CRYBG1: variants seen among roughly 807,000 people sequenced by gnomAD.
CRYBG1 encodes beta/gamma crystallin domain-containing protein 1.
Under a neutral mutation model 189.2 loss-of-function variants are expected in CRYBG1, and 139 were observed. The ratio of observed to expected loss-of-function variants is 0.73; its 90% confidence interval spans 0.64 to 0.85. The LOEUF (loss-of-function observed/expected upper bound fraction) is 0.85, where lower values mean the gene tolerates loss of function less well. Ranked by LOEUF, CRYBG1 falls within the 40% of genes least tolerant of loss-of-function variation. CRYBG1 has a pLI of 0.00. For synonymous variants in CRYBG1, 1,023 were observed against 1,017.1 expected (o/e 1.01, Z -0.11); for missense variants, 2,611 against 2,675.8 (o/e 0.98, Z 0.53).
At chr6:106,559,168 C>T (rs182309246) in intron 18 of CRYBG1, among the ~76,000 whole-genome samples, 2 of 152,134 alleles carry the variant, frequency 1.3e-5, no homozygotes, top group East Asian at 3.9e-4. Flanking sequence ...TCTTTAACAC[C>T]TCTCATAGTC....
At chr6:106,529,632 C>G (rs1773832671) in intron 7 of CRYBG1, among the ~76,000 whole-genome samples, 1 of 152,210 alleles carries the variant, frequency 6.6e-6, no homozygotes, top group African/African-American at 2.4e-5. Context: ...GGGCATGGAA[C>G]AATGACCAAA....
chr6:106,546,843 C>T (rs1372296314), intron 13 of CRYBG1, among the ~76,000 whole-genome samples: 1 of 152,204 alleles, frequency 6.6e-6, no homozygotes, highest in Non-Finnish European at 1.5e-5. Flanking sequence ...AACAGTTGTA[C>T]ATTTTGATAC....
chr6:106,377,450 C>G (rs1214350699), intron 1 of CRYBG1, among the ~76,000 whole-genome samples: 1 of 152,050 alleles, frequency 6.6e-6, no homozygotes, highest in East Asian at 1.9e-4. Flanking sequence ...AAGCGGTCAT[C>G]AGACTTACTA....
chr6:106,406,865 CTT>C (rs1770836416), intron 1 of CRYBG1, among the ~76,000 whole-genome samples: 1 of 152,168 alleles, frequency 6.6e-6, no homozygotes, highest in Non-Finnish European at 1.5e-5. Flanking sequence ...CCAGGCCTGC[CTT>C]ATAAGAGCTG....
rs73520804 is a variant in CRYBG1 at position 106,519,483 on chromosome 6, G to C, written c.2275G>C (p.Glu759Gln). The C allele has an allele frequency of 1.2e-6, 2 of 1,614,126 alleles. No homozygotes were observed. The highest frequency in any genetic ancestry group is 1.7e-6 in the Non-Finnish European group (2 of 1,180,018). Reference sequence around the variant, plus strand: ...AACCAAAGTTACCGTCTCGGAAGAAGAGATTCTGCCAGCAACCAGAGGAAT... The same window carrying C: ...AACCAAAGTTACCGTCTCGGAAGAACAGATTCTGCCAGCAACCAGAGGAAT... The part of the protein sequence containing the change: ...IETKVTVSEE[E>Q]ILPATRGMNG... Residue 759 changes from glutamate to glutamine, a missense_variant, in exon 4 of 22, where the codon GAG (glutamate) becomes CAG (glutamine). Glu to Gln is a conservative substitution (Grantham distance 29). Around this residue, in one of 3 missense-constraint regions of CRYBG1, gnomAD observed 1,622 missense variants for 1,735.0 expected, o/e 0.93. Coordinates refer to ENST00000633556, the MANE Select transcript of CRYBG1 (RefSeq NM_001371242.2).
chr6:106,438,478 T>C (rs1388569562), intron 1 of CRYBG1, among the ~76,000 whole-genome samples: 1 of 152,108 alleles, frequency 6.6e-6, no homozygotes, highest in Non-Finnish European at 1.5e-5. Flanking sequence ...GATCCCTCCT[T>C]GCTCTTCCTA....
At position 106,410,008 on chromosome 6, in the gene CRYBG1, C is replaced by T. The variant is rs150467187; in HGVS notation, c.174-41686C>T. ...ACACCAAAAGCAATAGCAACAAAAG[C>T]CAAAATTGACAAATGGGTTCTAATT... On this transcript the variant is annotated intron_variant, in intron 1 of 21. Transcript: ENST00000633556. Among the ~76,000 whole-genome samples the T allele has an allele frequency of 7.3e-3, 1,108 of 152,178 alleles. 6 individuals are homozygous for T. The highest frequency in any genetic ancestry group is 0.012 in the Non-Finnish European group (788 of 68,010).
At chr6:106,483,591 A>T (rs58220833) in intron 2 of CRYBG1, among the ~76,000 whole-genome samples, 1 of 151,756 alleles carries the variant, frequency 6.6e-6, no homozygotes, top group Non-Finnish European at 1.5e-5. Context: ...AGGAATCTCT[A>T]TATTGTTTTC....
At chr6:106,553,051 G>A (rs925986420) in intron 15 of CRYBG1, among the ~76,000 whole-genome samples, 7 of 152,160 alleles carry the variant, frequency 4.6e-5, no homozygotes, top group African/African-American at 1.2e-4. Flanking sequence ...ACAGGATTCC[G>A]ATAAGTCAGC....
chr6:106,511,880 C>T lies in CRYBG1; in HGVS notation c.763C>T (p.Leu255=). 6.6e-7 allele frequency: 1 copy of T among 1,520,394 alleles called. No individual in the cohort carries two copies. Among genetic ancestry groups the T allele is most frequent in the Non-Finnish European group, 8.8e-7 (1 of 1,136,824 alleles). 94.2% of individuals were successfully genotyped at this position (1,520,394 alleles called of 1,614,324 possible). Reference sequence around the variant, plus strand: ...AGATGCCACCACCACTGCCAAGCAGCTGCATTCCTCGCCGGGAAATTCCTC... The same window carrying T: ...AGATGCCACCACCACTGCCAAGCAGTTGCATTCCTCGCCGGGAAATTCCTC... The part of the protein sequence containing the change: ...FPDATTTAKQ[L]HSSPGNSSRQ... Residue 255 remains leucine (L), a synonymous_variant, in exon 3 of 22, where the codon CTG becomes TTG. Coordinates refer to ENST00000633556, the MANE Select transcript of CRYBG1 (RefSeq NM_001371242.2).
intron 1 of CRYBG1, among the ~76,000 whole-genome samples, chr6:106,448,251 G>A (rs997622440): frequency 1.5e-4 from 23 of 152,310 alleles, no homozygotes; most frequent in East Asian, 1.9e-4. Context: ...TCTGGGTCAC[G>A]AGGAAAGGGA....
chr6:106,410,084 G>A (rs1200664822), intron 1 of CRYBG1, among the ~76,000 whole-genome samples: 2 of 152,128 alleles, frequency 1.3e-5, no homozygotes, highest in Non-Finnish European at 2.9e-5. Flanking sequence ...GAGTGAACAG[G>A]CAACCTACAG....
At chr6:106,472,289 T>G (rs960108292) in intron 2 of CRYBG1, among the ~76,000 whole-genome samples, 10 of 152,202 alleles carry the variant, frequency 6.6e-5, no homozygotes, top group African/African-American at 2.4e-4. Context: ...AAATATAAAT[T>G]AAATATTTTG....
intron 1 of CRYBG1, among the ~76,000 whole-genome samples, chr6:106,361,300 G>C (rs1338805773): frequency 1.3e-5 from 2 of 152,234 alleles, no homozygotes; most frequent in Non-Finnish European, 2.9e-5. Context: ...ACCGGCGAGA[G>C]GAACTTGTGC....
intron 1 of CRYBG1, among the ~76,000 whole-genome samples, chr6:106,400,734 G>A (rs553990865): frequency 2.6e-5 from 4 of 152,184 alleles, no homozygotes; most frequent in African/African-American, 9.7e-5. Flanking sequence ...TAGTGAGATA[G>A]ACAGACACTA....
rs73761859 is a variant in CRYBG1, at chr6:106,520,494, G to A, written c.3286G>A (p.Asp1096Asn). Residue 1096 changes from aspartate to asparagine, a missense_variant, in exon 4 of 22, where the codon GAT becomes AAT. By Grantham distance (23) the Asp-to-Asn change is conservative. This residue lies in a region of CRYBG1 where 1,622 missense variants were observed against 1,735.0 expected (regional missense o/e 0.93). Coordinates refer to ENST00000633556, the MANE Select transcript of CRYBG1 (RefSeq NM_001371242.2). ...TTTGAACATTTCTGCTGGTAGTGAT[G>A]ATAGTGTATTTGATTCTTCTTCTGA... Reference protein sequence around the residue: ...SLLNISAGSDDSVFDSSSDME... With the variant: ...SLLNISAGSDNSVFDSSSDME... 4,591 of 1,614,154 alleles carry A rather than the reference G, an allele frequency of 2.8e-3. 118 individuals are homozygous for A. The African/African-American group carries it at 0.055, about 20-fold the overall frequency.
intron 2 of CRYBG1, among the ~76,000 whole-genome samples, chr6:106,508,432 C>T (rs908881878): frequency 2.6e-5 from 4 of 152,148 alleles, no homozygotes; most frequent in Admixed American, 1.3e-4. Context: ...AGATATAGAA[C>T]TTTAACCCTC....
chr6:106,382,581 C>A, intron 1 of CRYBG1, among the ~76,000 whole-genome samples: 1 of 152,042 alleles, frequency 6.6e-6, no homozygotes, highest in African/African-American at 2.4e-5. Context: ...GCCTGTAATA[C>A]CAGCACTTTG....
chr6:106,510,330 C>T (rs902394698), intron 2 of CRYBG1, among the ~76,000 whole-genome samples: 5 of 152,248 alleles, frequency 3.3e-5, no homozygotes, highest in African/African-American at 1.2e-4. Flanking sequence ...ATGCCCCGCA[C>T]CTACCCAGTC....
Sources: gnomAD v4.1 joint callset for allele counts (sites outside exome capture counted in the v4.1 genomes callset) on GRCh38, gnomAD v4.1.1 for gene constraint, gnomAD v4.1.1 regional missense constraint, MANE v1.5 for transcripts, NCBI Gene and HGNC (gene_info 2026-07-23, HGNC 2026-07-21) for gene names.